The following RPS6KA5 variants were observed in gnomAD, a reference collection of about 807,000 sequenced individuals.
The protein encoded by RPS6KA5 is ribosomal protein S6 kinase A5, also known as ribosomal protein S6 kinase alpha-5.
In RPS6KA5, 27 loss-of-function variants were observed where a neutral mutation model predicts 85.5. That is an observed-to-expected ratio of 0.32 (90% CI 0.23 to 0.44). The LOEUF is 0.44. Among genes scored for constraint, RPS6KA5 ranks in the 20% least tolerant of loss-of-function variants. The pLI, the probability that RPS6KA5 is intolerant of heterozygous loss-of-function variation, is 1.00. For missense variants in RPS6KA5, 811 were observed against 980.9 expected (o/e 0.83, Z 2.31); for synonymous variants, 334 against 348.2 (o/e 0.96, Z 0.46).
intron 1 of RPS6KA5, 82 bp from the exon 2 acceptor site, chr14:91,001,241 C>A: frequency 1.3e-6 from 1 of 796,348 alleles, no homozygotes; most frequent in Non-Finnish European, 2.1e-6. Flanking sequence ...GTACCAGCGA[C>A]GCTCTATTTC....
intron 3 of RPS6KA5, among the ~76,000 whole-genome samples, chr14:90,957,264 C>T (rs577065609): frequency 4.6e-5 from 7 of 152,292 alleles, no homozygotes; most frequent in Admixed American, 4.6e-4. Flanking sequence ...AGGGTTTCGC[C>T]ATGTTGGCCA....
intron 3 of RPS6KA5, among the ~76,000 whole-genome samples, chr14:90,955,085 A>G (rs1342231660): frequency 1.3e-5 from 2 of 151,952 alleles, no homozygotes; most frequent in East Asian, 3.9e-4. Context: ...TCCATATTTG[A>G]CTAATTTCTA....
chr14:91,007,998 C>T (rs1776539975), intron 1 of RPS6KA5, among the ~76,000 whole-genome samples: 1 of 152,118 alleles, frequency 6.6e-6, no homozygotes, highest in African/African-American at 2.4e-5. Flanking sequence ...TAAATGGCTT[C>T]CTAACTTTCT....
At position 90,857,401 on chromosome 14, in the gene RPS6KA5, T is replaced by C. The variant is rs1181048111; in HGVS notation, c.*14673A>G. On this transcript the variant is annotated 3_prime_UTR_variant, in exon 17 of 17. Transcript: ENST00000614987. ...TGAAATGTTTTTCAAAAACAGAAGT[T>C]AAAATGGGAAACCACAGTAGGATGA... The C allele has an allele frequency of 6.6e-6, 1 of 152,212 alleles. No individual in the cohort carries two copies. The highest frequency in any genetic ancestry group is 1.5e-5 in the Non-Finnish European group (1 of 68,034). 9.4% of individuals were successfully genotyped at this position (152,212 alleles called of 1,614,324 possible). A position where few individuals can be genotyped will look rare whatever the true frequency, so the allele number is the denominator to read the frequency against.
intron 6 of RPS6KA5, 103 bp downstream of exon 6, chr14:90,923,009 AC>A (rs1182801766): frequency 2.6e-6 from 2 of 770,246 alleles, no homozygotes; most frequent in Non-Finnish European, 4.3e-6. Context: ...GACAATCAAC[AC>A]CAGAAAGACG....
At chr14:90,890,931 AAGC>A (rs1027398423) in intron 13 of RPS6KA5, among the ~76,000 whole-genome samples, 2 of 151,774 alleles carry the variant, frequency 1.3e-5, no homozygotes, top group African/African-American at 4.8e-5. Context: ...CCCTTTTTCT[AAGC>A]TTTTCCCTCT....
At chr14:90,908,531 G>A (rs1438045484) in intron 7 of RPS6KA5, among the ~76,000 whole-genome samples, 4 of 152,100 alleles carry the variant, frequency 2.6e-5, no homozygotes, top group African/African-American at 9.7e-5. Flanking sequence ...CTTGGTAAAC[G>A]GAGTGCCACG....
At chr14:91,032,485 C>T (rs2042222667) in intron 1 of RPS6KA5, among the ~76,000 whole-genome samples, 1 of 152,150 alleles carries the variant, frequency 6.6e-6, no homozygotes, top group Non-Finnish European at 1.5e-5. Context: ...CCCCACAAAG[C>T]ACACTATCTG....
rs2037841130 is a variant in RPS6KA5 at position 90,945,802 on chromosome 14, A to G, written c.510+1633T>C. 2.6e-5 allele frequency among the ~76,000 whole-genome samples: 4 copies of G among 152,170 alleles called. No homozygotes were observed. The South Asian group carries it at 8.3e-4, about 31-fold the overall frequency. On this transcript the variant is annotated intron_variant, in intron 4 of 16. Transcript: ENST00000614987. Reference sequence around the variant, plus strand: ...GGGCAGATTGCTTGAGTCTAGTTCAACACCAACCTAGGCAATATGGCAAAA... The same window carrying G: ...GGGCAGATTGCTTGAGTCTAGTTCAGCACCAACCTAGGCAATATGGCAAAA...
chr14:90,884,645 T>C (rs368269733), intron 14 of RPS6KA5, among the ~76,000 whole-genome samples: 2 of 152,148 alleles, frequency 1.3e-5, no homozygotes, highest in Non-Finnish European at 1.5e-5. Context: ...GCCACTGCAG[T>C]TGGTGGTGAG....
intron 5 of RPS6KA5, among the ~76,000 whole-genome samples, chr14:90,933,962 GTC>G (rs2037128062): frequency 1.3e-5 from 2 of 152,184 alleles, no homozygotes; most frequent in Admixed American, 6.5e-5. Flanking sequence ...CTTCCTTCAT[GTC>G]TCTACTGCAC....
chr14:90,974,670 T>C (rs2039481258), intron 3 of RPS6KA5, among the ~76,000 whole-genome samples: 1 of 152,164 alleles, frequency 6.6e-6, no homozygotes, highest in Non-Finnish European at 1.5e-5. Context: ...AGAGGCCATA[T>C]GGAGGAGAAA....
At chr14:90,895,229 G>T (rs559775265) in intron 12 of RPS6KA5, among the ~76,000 whole-genome samples, 34 of 152,122 alleles carry the variant, frequency 2.2e-4, no homozygotes, top group African/African-American at 7.2e-4. Context: ...TAATGAGGCT[G>T]GGCTCAGTGG....
At chr14:91,030,961 T>G (rs2042166744) in intron 1 of RPS6KA5, among the ~76,000 whole-genome samples, 1 of 151,960 alleles carries the variant, frequency 6.6e-6, no homozygotes, top group Admixed American at 6.6e-5. Context: ...TTAGAAAAAG[T>G]GAACAGAAGA....
At chr14:91,004,682 T>C (rs571534064) in intron 1 of RPS6KA5, among the ~76,000 whole-genome samples, 14 of 152,026 alleles carry the variant, frequency 9.2e-5, no homozygotes, top group African/African-American at 3.4e-4. Flanking sequence ...ATAAAACAGT[T>C]CCAGGCCGGG....
intron 3 of RPS6KA5, among the ~76,000 whole-genome samples, chr14:90,975,200 G>C (rs1174689529): frequency 6.6e-6 from 1 of 151,672 alleles, no homozygotes; most frequent in African/African-American, 2.4e-5. Context: ...AAAAAAAAAA[G>C]ATTTATAGTA....
At chr14:91,032,796 A>G (rs1248293806) in intron 1 of RPS6KA5, among the ~76,000 whole-genome samples, 2 of 152,164 alleles carry the variant, frequency 1.3e-5, no homozygotes, top group African/African-American at 4.8e-5. Context: ...AGAAAAAAAA[A>G]AAGAAAAACA....
intron 1 of RPS6KA5, among the ~76,000 whole-genome samples, chr14:91,040,039 G>A (rs1023013334): frequency 6.6e-6 from 1 of 152,230 alleles, no homozygotes; most frequent in African/African-American, 2.4e-5. Flanking sequence ...TGGGTGGGGA[G>A]AATGTGAGAG....
chr14:91,059,331 ACT>A (rs961357262), intron 1 of RPS6KA5, among the ~76,000 whole-genome samples: 6 of 142,278 alleles, frequency 4.2e-5, no homozygotes, highest in African/African-American at 7.8e-5. Flanking sequence ...CAAGAGCGAA[ACT>A]CTGTCTGAAA....
Sources: allele counts gnomAD v4.1 joint callset (sites outside exome capture counted in the v4.1 genomes callset), GRCh38; gene constraint gnomAD v4.1.1; transcripts MANE v1.5; gene names NCBI Gene and HGNC (gene_info 2026-07-23, HGNC 2026-07-21).